MAPRE3: variants seen among roughly 807,000 people sequenced by gnomAD.
MAPRE3 encodes microtubule-associated protein RP/EB family member 3.
MAPRE3 carries 2 observed loss-of-function variants against 30.5 expected under a neutral mutation model. The observed-to-expected ratio is 0.07, with a 90% CI of 0.03 to 0.21. MAPRE3 has a LOEUF of 0.21. Ranked by LOEUF, MAPRE3 falls within the 10% of genes least tolerant of loss-of-function variation. The probability of loss-of-function intolerance (pLI) is 1.00; values close to 1 mark genes in which losing one functional copy is unlikely to be tolerated. For missense variants in MAPRE3, 204 were observed against 351.8 expected (o/e 0.58, Z 3.36); for synonymous variants, 110 against 127.7 (o/e 0.86, Z 0.93).
rs1185504451 is a variant in MAPRE3, at chr2:26,970,706, C to CA, written c.-104_-103insA. ...CGCGGCGGCCTCAGCGAGGACCCTC[C>CA]GCCCCGGAGCCGCCGGCCGGAGCCG... On this transcript the variant is annotated 5_prime_UTR_variant, in exon 1 of 7. Transcript: ENST00000233121. The CA allele has an allele frequency of 1.3e-5, 2 of 152,588 alleles. No individual in the cohort carries two copies. The highest frequency in any genetic ancestry group is 3.9e-4 in the East Asian group (2 of 5,194). The allele number at this position is 152,588 out of a possible 1,614,324, so 9.5% of individuals were successfully genotyped here.
intron 2 of MAPRE3, among the ~76,000 whole-genome samples, chr2:27,023,002 C>T (rs1667143350): frequency 6.6e-6 from 1 of 152,204 alleles, no homozygotes; most frequent in African/African-American, 2.4e-5. Flanking sequence ...GTGGTGCAAC[C>T]TTGGGCAAGT....
chr2:27,023,829 G>C, intron 3 of MAPRE3: 1 of 511,748 alleles, frequency 2.0e-6, no homozygotes, highest in Non-Finnish European at 3.6e-6. Flanking sequence ...CAGACCCCCA[G>C]CCCACACGCA....
intron 2 of MAPRE3, 76 bp from the exon 3 acceptor site, chr2:27,023,256 G>T: frequency 6.7e-7 from 1 of 1,495,066 alleles, no homozygotes. Context: ...GAGGAGACGG[G>T]GTTTGGGGAA....
chr2:27,021,270 G>A (rs1236656690), intron 1 of MAPRE3, among the ~76,000 whole-genome samples: 19 of 152,186 alleles, frequency 1.2e-4, no homozygotes, highest in Admixed American at 1.2e-3. Flanking sequence ...AATCCTGAGG[G>A]TAAGCAGAAA....
intron 1 of MAPRE3, among the ~76,000 whole-genome samples, chr2:26,972,887 C>A (rs1665942074): frequency 6.6e-6 from 1 of 152,138 alleles, no homozygotes. Context: ...GATGGAATGC[C>A]TTTTAAACTG....
At chr2:27,023,845 T>C (rs1185442018) in intron 3 of MAPRE3, 2 of 519,644 alleles carry the variant, frequency 3.8e-6, no homozygotes, top group Non-Finnish European at 7.0e-6. Flanking sequence ...ACGCAGGCAG[T>C]AGAGCCAAGG....
rs371648846 is a variant in MAPRE3, at chr2:27,023,859, G to T, written c.268-237G>T. 10 of 529,324 alleles carry T rather than the reference G, an allele frequency of 1.9e-5. No homozygotes were observed. In the African/African-American group the frequency reaches 1.9e-4, roughly 10 times the overall value. The allele number at this position is 529,324 out of a possible 1,614,324, so 32.8% of individuals were successfully genotyped here. The stretch of plus-strand genomic sequence containing the variant: ...CACGCAGGCAGTAGAGCCAAGGGAC[G>T]CCTCCCCACACAGTTCTTCCACACG... On this transcript the variant is annotated intron_variant, in intron 3 of 6. Transcript: ENST00000233121.
In MAPRE3 at chr2:27,025,651, C is replaced by A. The variant is rs751778500; in HGVS notation, c.538C>A (p.Pro180Thr). 3.1e-6 allele frequency: 5 copies of A among 1,611,160 alleles called. No individual in the cohort carries two copies. In the Admixed American group the frequency reaches 5.0e-5, roughly 16 times the overall value. The change falls in exon 5 of 7, where the codon CCC (proline) becomes ACC (threonine). Residue 180 changes from proline to threonine, a missense_variant. By Grantham distance (38) the Pro-to-Thr change is conservative. This residue lies in a region of MAPRE3 where 32 missense variants were observed against 20.7 expected (regional missense o/e 1.55). Transcript: ENST00000233121. ...QTSGRLSNVA[P>T]PCILRKNPPS... is the part of the protein sequence containing the mutation. Reference sequence around the variant, plus strand: ...CTCTGGCCGGCTGAGCAATGTGGCCCCCCCCTGCATTCTCCGGAAGAATCC... The same window carrying A: ...CTCTGGCCGGCTGAGCAATGTGGCCACCCCCTGCATTCTCCGGAAGAATCC...
intron 1 of MAPRE3, among the ~76,000 whole-genome samples, chr2:27,000,098 A>G (rs566758863): frequency 5.3e-5 from 8 of 152,358 alleles, no homozygotes; most frequent in Non-Finnish European, 1.2e-4. Context: ...AATTTTTAAG[A>G]TGCTAATAAC....
At chr2:26,993,758 G>A (rs978202508) in intron 1 of MAPRE3, among the ~76,000 whole-genome samples, 10 of 152,144 alleles carry the variant, frequency 6.6e-5, no homozygotes, top group African/African-American at 2.4e-4. Context: ...TTACCAACTC[G>A]ATTTTTGCTG....
At chr2:26,991,125 G>A (rs1343024262) in intron 1 of MAPRE3, among the ~76,000 whole-genome samples, 1 of 152,138 alleles carries the variant, frequency 6.6e-6, no homozygotes, top group Non-Finnish European at 1.5e-5. Flanking sequence ...GTGGTGGTGG[G>A]CGCCTGTAGT....
At chr2:26,977,780 C>T (rs555720431) in intron 1 of MAPRE3, among the ~76,000 whole-genome samples, 2 of 152,312 alleles carry the variant, frequency 1.3e-5, no homozygotes, top group East Asian at 3.9e-4. Flanking sequence ...CCTCTGGCCT[C>T]ATCTTTCCCA....
chr2:26,997,240 G>A (rs1243265595), intron 1 of MAPRE3, among the ~76,000 whole-genome samples: 1 of 152,162 alleles, frequency 6.6e-6, no homozygotes, highest in African/African-American at 2.4e-5. Flanking sequence ...CAGATCATCA[G>A]GCATTACTTA....
At chr2:26,983,945 C>T (rs540810805) in intron 1 of MAPRE3, among the ~76,000 whole-genome samples, 11 of 152,302 alleles carry the variant, frequency 7.2e-5, no homozygotes, top group South Asian at 6.2e-4. Context: ...CCCCTCACCC[C>T]GTCCCTTCCC....
At chr2:26,987,506 C>T (rs1053469650) in intron 1 of MAPRE3, among the ~76,000 whole-genome samples, 2 of 152,076 alleles carry the variant, frequency 1.3e-5, no homozygotes, top group Non-Finnish European at 2.9e-5. Flanking sequence ...GGCATGGTGG[C>T]AGGCACCTGT....
chr2:26,974,085 A>C (rs1051191715), intron 1 of MAPRE3, among the ~76,000 whole-genome samples: 16 of 152,306 alleles, frequency 1.1e-4, no homozygotes, highest in African/African-American at 3.9e-4. Context: ...ACACTTTGTA[A>C]ACTGTGTACA....
intron 1 of MAPRE3, among the ~76,000 whole-genome samples, chr2:26,993,234 G>A (rs978135184): frequency 1.3e-5 from 2 of 152,146 alleles, no homozygotes; most frequent in Non-Finnish European, 2.9e-5. Context: ...GCCGGGAGTG[G>A]TGGTGCACAC....
chr2:27,016,686 TTA>T (rs774405218), intron 1 of MAPRE3, among the ~76,000 whole-genome samples: 2 of 152,016 alleles, frequency 1.3e-5, no homozygotes, highest in Non-Finnish European at 2.9e-5. Flanking sequence ...GCCTGGCAGG[TTA>T]TGTCTTTGCT....
At chr2:26,999,484 CTT>C (rs1666538504) in intron 1 of MAPRE3, among the ~76,000 whole-genome samples, 1 of 75,560 alleles carries the variant, frequency 1.3e-5, no homozygotes, top group South Asian at 4.3e-4. Context: ...TTCTTTCCTT[CTT>C]TCTTTTTTTT....
Sources: gnomAD v4.1 joint callset for allele counts (sites outside exome capture counted in the v4.1 genomes callset) on GRCh38, gnomAD v4.1.1 for gene constraint, gnomAD v4.1.1 regional missense constraint, MANE v1.5 for transcripts, NCBI Gene and HGNC (gene_info 2026-07-23, HGNC 2026-07-21) for gene names.